The following HBEGF variants were observed in gnomAD, a reference collection of about 807,000 sequenced individuals.
HBEGF encodes heparin binding EGF like growth factor.
Under a neutral mutation model 19.5 loss-of-function variants are expected in HBEGF, and 8 were observed. That is an observed-to-expected ratio of 0.41 (90% CI 0.24 to 0.74). The LOEUF is 0.74. Among genes scored for constraint, HBEGF ranks in the 30% least tolerant of loss-of-function variants. The pLI, the probability that HBEGF is intolerant of heterozygous loss-of-function variation, is 0.32. For synonymous variants in HBEGF, 97 were observed against 108.9 expected, an observed-to-expected ratio of 0.89 and a Z score of 0.68; for missense variants, 207 against 256.9, an observed-to-expected ratio of 0.81 and a Z score of 1.33.
At chr5:140,342,932 C>T in intron 2 of HBEGF, 120 bp from the exon 3 acceptor site, 2 of 1,027,866 alleles carry the variant, frequency 1.9e-6, no homozygotes, top group Non-Finnish European at 2.9e-6. Context: ...CTGGGAAGGC[C>T]CCTTAGCTCA....
At position 140,346,298 on chromosome 5, in the gene HBEGF, G is replaced by A. The variant is rs1766400050; in HGVS notation, c.31C>T (p.Leu11Phe). The change falls in exon 1 of 6, where the codon CTC (leucine) becomes TTC (phenylalanine). Residue 11 changes from leucine to phenylalanine, a missense_variant. Coordinates refer to ENST00000230990, the MANE Select transcript of HBEGF (RefSeq NM_001945.3). This position sits in a 1 kb window ranked among gnomAD's most constrained non-coding sequence, Gnocchi z 6.1. The part of the protein sequence containing the change: MKLLPSVVLK[L>F]FLAAVLSALV... ...GCCCTCTTACCTGCAGCCAGAAAGA[G>A]CTTCAGCACCACCGACGGCAGCAGC... is the stretch of plus-strand genomic sequence containing the variant. 6.2e-7 allele frequency: 1 copy of A among 1,608,782 alleles called. No individual in the cohort carries two copies. Among genetic ancestry groups the A allele is most frequent in the East Asian group, 2.2e-5 (1 of 44,574 alleles).
At chr5:140,343,328 A>G (rs1766344103) in intron 2 of HBEGF, among the ~76,000 whole-genome samples, 1 of 152,154 alleles carries the variant, frequency 6.6e-6, no homozygotes, top group African/African-American at 2.4e-5. Context: ...AACAGTGTCC[A>G]TGTGTTCAGG....
At chr5:140,340,841 T>A (rs1011926627) in intron 3 of HBEGF, among the ~76,000 whole-genome samples, 5 of 152,186 alleles carry the variant, frequency 3.3e-5, no homozygotes, top group African/African-American at 1.2e-4. Context: ...CATGTTGGAC[T>A]AGGAGTCAGG....
Position 140,346,238 on chromosome 5 carries a change from C to A in HBEGF, c.46+45G>T, listed in dbSNP as rs774568652. Reference sequence around the variant, plus strand: ...ACCTTCCCCCATGCCCCCAGCACAACGCCCCCATCCCCCCGATCTCCGGGG... The same window carrying A: ...ACCTTCCCCCATGCCCCCAGCACAAAGCCCCCATCCCCCCGATCTCCGGGG... On this transcript the variant is annotated intron_variant, in intron 1 of 5. Transcript: ENST00000230990. This position sits in a 1 kb window ranked among gnomAD's most constrained non-coding sequence, Gnocchi z 6.1. 1.3e-6 allele frequency: 2 copies of A among 1,578,116 alleles called. No individual in the cohort carries two copies. The highest frequency in any genetic ancestry group is 3.6e-5 in the Admixed American group (2 of 55,260).
At chr5:140,335,626 G>A (rs1274409733) in intron 4 of HBEGF, among the ~76,000 whole-genome samples, 2 of 152,144 alleles carry the variant, frequency 1.3e-5, no homozygotes, top group Non-Finnish European at 2.9e-5. Context: ...CTGGGTCATG[G>A]AGGCAGGAAA....
chr5:140,345,378 G>C (rs750887613), intron 2 of HBEGF, among the ~76,000 whole-genome samples: 6 of 152,146 alleles, frequency 3.9e-5, no homozygotes, highest in Non-Finnish European at 8.8e-5. Flanking sequence ...TAGGGGCTCA[G>C]TGCTCACCAT....
intron 3 of HBEGF, among the ~76,000 whole-genome samples, chr5:140,338,266 T>G (rs1181014971): frequency 6.6e-6 from 1 of 152,224 alleles, no homozygotes; most frequent in Non-Finnish European, 1.5e-5. Context: ...AGCCAAGTAC[T>G]TTGTGCTAAC....
At chr5:140,335,035 T>C in intron 4 of HBEGF, 1 of 458,250 alleles carries the variant, frequency 2.2e-6, no homozygotes, top group East Asian at 4.0e-5. Flanking sequence ...GTTACAATCC[T>C]CAGAAAGACA....
intron 3 of HBEGF, among the ~76,000 whole-genome samples, chr5:140,336,690 A>G (rs1242588316): frequency 6.6e-6 from 1 of 152,258 alleles, no homozygotes. Flanking sequence ...CTTTCATCAC[A>G]GGACAAACCA....
At chr5:140,336,541 T>C (rs1006449396) in intron 3 of HBEGF, among the ~76,000 whole-genome samples, 1 of 152,220 alleles carries the variant, frequency 6.6e-6, no homozygotes, top group African/African-American at 2.4e-5. Flanking sequence ...CTGTCCAGCC[T>C]ATTAATAGGC....
At chr5:140,336,609 C>T (rs1022321958) in intron 3 of HBEGF, among the ~76,000 whole-genome samples, 2 of 152,200 alleles carry the variant, frequency 1.3e-5, no homozygotes, top group African/African-American at 4.8e-5. Context: ...CTCCAGCTCC[C>T]CCTGGGTGCA....
At chr5:140,335,775 T>G in intron 4 of HBEGF, 97 bp downstream of exon 4, 1 of 1,288,266 alleles carries the variant, frequency 7.8e-7, no homozygotes, top group Non-Finnish European at 1.1e-6. Flanking sequence ...TTTGGAAAGA[T>G]TGAGGGAAGT....
chr5:140,345,875 C>T (rs559767718), intron 2 of HBEGF, 36 bp downstream of exon 2: 5 of 1,611,816 alleles, frequency 3.1e-6, no homozygotes, highest in South Asian at 1.1e-5. Context: ...TTCAACAGCC[C>T]ACCAAGGTCC....
chr5:140,335,308 C>T (rs1300755908), intron 4 of HBEGF, among the ~76,000 whole-genome samples: 1 of 149,422 alleles, frequency 6.7e-6, no homozygotes, highest in Non-Finnish European at 1.5e-5. Flanking sequence ...GGCGTGAACC[C>T]AGGAGGCGGA....
chr5:140,338,265 C>G (rs965616663), intron 3 of HBEGF, among the ~76,000 whole-genome samples: 2 of 152,220 alleles, frequency 1.3e-5, no homozygotes, highest in African/African-American at 4.8e-5. Flanking sequence ...GAGCCAAGTA[C>G]TTTGTGCTAA....
chr5:140,340,582 C>CAAAAAAAAAAAAAAAAAAAAAAAAAAAAA (rs61489261), intron 3 of HBEGF, among the ~76,000 whole-genome samples: 1 of 59,846 alleles, frequency 1.7e-5, no homozygotes, highest in Non-Finnish European at 3.1e-5. Context: ...GACTCTGTCT[C>CAAAAAAAAAAAAAAAAAAAAAAAAAAAAA]AAAAAAAAAA....
At position 140,336,109 on chromosome 5, in the gene HBEGF, C is replaced by T. The variant is rs539366342; in HGVS notation, c.399-82G>A. 1.1e-5 allele frequency: 16 copies of T among 1,405,022 alleles called. No individual in the cohort carries two copies. In the East Asian group the frequency reaches 2.8e-4, roughly 24 times the overall value. The allele number at this position is 1,405,022 out of a possible 1,614,324, so 87.0% of individuals were successfully genotyped here. A position where few individuals can be genotyped will look rare whatever the true frequency, so the allele number is the denominator to read the frequency against. ...ATGGCCCACCTGCATAAGCCAAACC[C>T]CATTCCTCATACCCTCAGCCTGTCA... is the stretch of plus-strand genomic sequence containing the variant. On this transcript the variant is annotated intron_variant, in intron 3 of 5. Transcript: ENST00000230990.
chr5:140,336,517 G>C (rs1399549284), intron 3 of HBEGF, among the ~76,000 whole-genome samples: 2 of 152,208 alleles, frequency 1.3e-5, no homozygotes, highest in Non-Finnish European at 2.9e-5. Context: ...CCAGCGTCCA[G>C]TCCCTCTCCA....
intron 4 of HBEGF, 104 bp downstream of exon 4, chr5:140,335,768 G>A: frequency 2.4e-6 from 3 of 1,240,880 alleles, no homozygotes; most frequent in Non-Finnish European, 3.4e-6. Context: ...CCCATGATTT[G>A]GAAAGATTGA....
Sources: allele counts gnomAD v4.1 joint callset (sites outside exome capture counted in the v4.1 genomes callset), GRCh38; gene constraint gnomAD v4.1.1; non-coding constraint Gnocchi (gnomAD v3.1); transcripts MANE v1.5; gene names NCBI Gene and HGNC (gene_info 2026-07-23, HGNC 2026-07-21).